ABCC12: variants seen among roughly 807,000 people sequenced by gnomAD.
The protein encoded by ABCC12 is ATP binding cassette subfamily C member 12.
In ABCC12, 142 loss-of-function variants were observed where a neutral mutation model predicts 151.1. The ratio of observed to expected loss-of-function variants is 0.94; its 90% CI spans 0.82 to 1.08. The LOEUF (loss-of-function observed/expected upper bound fraction) is 1.08. ABCC12 is among the 50% of genes least tolerant of loss of function. The pLI is 0.00. For synonymous variants in ABCC12, 645 were observed against 646.4 expected (o/e 1.00, Z 0.03); for missense variants, 1,638 against 1,691.1 (o/e 0.97, Z 0.55).
intron 2 of ABCC12, among the ~76,000 whole-genome samples, chr16:48,150,870 C>A (rs915756347): frequency 2.0e-5 from 3 of 152,150 alleles, no homozygotes; most frequent in African/African-American, 7.2e-5. Context: ...CAACTTGAAT[C>A]CATTACCATA....
Position 48,115,564 on chromosome 16 carries a change from C to T in ABCC12, c.1840G>A (p.Ala614Thr), listed in dbSNP as rs750783794. 11 of 1,614,154 alleles carry T rather than the reference C, an allele frequency of 6.8e-6. No individual in the cohort carries two copies. In the East Asian group the frequency reaches 2.5e-4, roughly 36 times the overall value. Reference protein sequence around the residue: ...SGGQRQRISLARAVYSDRQLY... With the variant: ...SGGQRQRISLTRAVYSDRQLY... ...TGACGGTCGGAGTAGACAGCGCGGGCCAGGCTAATCCTCTGCCTCTGCCCC... is the reference window on the plus strand; with the variant it reads ...TGACGGTCGGAGTAGACAGCGCGGGTCAGGCTAATCCTCTGCCTCTGCCCC... Residue 614 changes from alanine (A) to threonine (T), a missense_variant, in exon 15 of 31, where the codon GCC (alanine) becomes ACC (threonine). By Grantham distance (58) the Ala-to-Thr change is moderately conservative. Transcript: ENST00000311303.
chr16:48,108,187 G>T (rs1340578903), intron 19 of ABCC12, among the ~76,000 whole-genome samples: 1 of 152,174 alleles, frequency 6.6e-6, no homozygotes, highest in Non-Finnish European at 1.5e-5. Context: ...CAAGGGTAGG[G>T]TTCATGCTGC....
intron 8 of ABCC12, among the ~76,000 whole-genome samples, chr16:48,137,865 G>A (rs11643664): frequency 6.6e-6 from 1 of 152,224 alleles, no homozygotes; most frequent in Non-Finnish European, 1.5e-5. Flanking sequence ...TGTAACCCTG[G>A]ATGTGTGAGT....
intron 29 of ABCC12, 97 bp downstream of exon 29, chr16:48,085,495 CT>C: frequency 1.9e-6 from 2 of 1,029,104 alleles, no homozygotes; most frequent in Admixed American, 1.9e-5. Flanking sequence ...ATTGCTGTCT[CT>C]TTGCTGAAAG....
In ABCC12 at chr16:48,121,756, T is replaced by C. The variant is rs1204423572; in HGVS notation, c.1672A>G (p.Arg558Gly). The change falls in exon 13 of 31, where the codon AGA (arginine) becomes GGA (glycine). Residue 558 changes from arginine to glycine, a missense_variant. By Grantham distance (125) the Arg-to-Gly change is moderately radical. Transcript: ENST00000311303. Reference protein sequence around the residue: ...QQAWIFHGNVRENILFGEKYD... With the variant: ...QQAWIFHGNVGENILFGEKYD... ...TTTTCTCCAAAGAGTATGTTTTCTC[T>C]CACATTTCCATGAAAGATCCATGCC... 2.5e-6 allele frequency: 4 copies of C among 1,614,100 alleles called. No homozygotes were observed. The highest frequency in any genetic ancestry group is 3.4e-6 in the Non-Finnish European group (4 of 1,180,046).
chr16:48,135,342 C>G (rs183916819), intron 8 of ABCC12, among the ~76,000 whole-genome samples: 1 of 152,282 alleles, frequency 6.6e-6, no homozygotes, highest in African/African-American at 2.4e-5. Context: ...CAGTAACAAC[C>G]AGATCGTCAA....
intron 22 of ABCC12, among the ~76,000 whole-genome samples, chr16:48,101,216 G>A (rs1282740151): frequency 6.6e-6 from 1 of 152,226 alleles, no homozygotes; most frequent in Non-Finnish European, 1.5e-5. Flanking sequence ...CCATGAGTCA[G>A]CGGCACCTTC....
intron 25 of ABCC12, among the ~76,000 whole-genome samples, chr16:48,089,309 C>T (rs1264791695): frequency 1.3e-5 from 2 of 152,154 alleles, no homozygotes; most frequent in South Asian, 2.1e-4. Context: ...GTGACAAGGC[C>T]AGACATAGCC....
rs539242199 is a variant in ABCC12, at chr16:48,133,880, G to A, written c.980-45C>T. 1.5e-4 allele frequency: 242 copies of A among 1,607,964 alleles called. 2 individuals are homozygous for A. In the South Asian group the frequency reaches 2.5e-3, roughly 17 times the overall value. On this transcript the variant is annotated intron_variant, in intron 8 of 30. Transcript: ENST00000311303. ...CCAAGGTGGTCTCATTTTGCATGTC[G>A]AACACTAGCATTATGAAATGTATTA...
chr16:48,086,650 C>T, intron 28 of ABCC12, 91 bp downstream of exon 28: 1 of 1,122,066 alleles, frequency 8.9e-7, no homozygotes, highest in Admixed American at 1.7e-5. Context: ...TAAGTGCTGG[C>T]CTAGGTGCTT....
chr16:48,151,876 A>T (rs1965121394), intron 2 of ABCC12, among the ~76,000 whole-genome samples: 1 of 152,202 alleles, frequency 6.6e-6, no homozygotes, highest in Admixed American at 6.5e-5. Context: ...AGAAGTTCTG[A>T]GAAAGTAGAG....
intron 24 of ABCC12, among the ~76,000 whole-genome samples, chr16:48,091,540 G>T (rs1380618606): frequency 1.3e-5 from 2 of 152,190 alleles, no homozygotes; most frequent in Non-Finnish European, 2.9e-5. Context: ...CTGCAGAACT[G>T]CTGGCTATCG....
At position 48,104,258 on chromosome 16, in the gene ABCC12, C is replaced by T. The variant is rs141043396; in HGVS notation, c.2784G>A (p.Glu928=). Reference sequence around the variant, plus strand: ...CCATAAAAAACTGCTGCAGAAAGTTCTCTGCGTGAAACGGCAGCCTCACAT... The same window carrying T: ...CCATAAAAAACTGCTGCAGAAAGTTTTCTGCGTGAAACGGCAGCCTCACAT... ...ELDVRLPFHA[E]NFLQQFFMVV... The change falls in exon 22 of 31, where the codon GAG becomes GAA. Residue 928 remains glutamate (E), a synonymous_variant. Coordinates refer to ENST00000311303, the MANE Select transcript of ABCC12 (RefSeq NM_001393797.1). 2.2e-5 allele frequency: 35 copies of T among 1,614,138 alleles called. No individual in the cohort carries two copies. In the African/African-American group the frequency reaches 4.4e-4, roughly 20 times the overall value.
chr16:48,139,285 ACAAGGCAG>A lies in ABCC12; in HGVS notation c.701_708del (p.Ala234ValfsTer68). 1 of 1,613,924 alleles carries A rather than the reference ACAAGGCAG, an allele frequency of 6.2e-7. No individual in the cohort carries two copies. Among genetic ancestry groups the A allele is most frequent in the Non-Finnish European group, 8.5e-7 (1 of 1,179,960 alleles). ...GGGATGGTGGCTGGCAAAGGACAAA[ACAAGGCAG>A]CTTCAAACAAAGAATAGCTATCACT... is the stretch of plus-strand genomic sequence containing the variant. On this transcript the variant is annotated frameshift_variant, in exon 7 of 31. Coordinates refer to ENST00000311303, the MANE Select transcript of ABCC12 (RefSeq NM_001393797.1). LOFTEE classifies it high-confidence loss of function.
chr16:48,116,354 T>C (rs1049309307), intron 14 of ABCC12, among the ~76,000 whole-genome samples: 1 of 152,180 alleles, frequency 6.6e-6, no homozygotes, highest in African/African-American at 2.4e-5. Flanking sequence ...ATGTACATAA[T>C]AGCAGCAGCA....
rs575716557 is a variant in ABCC12 at position 48,146,372 on chromosome 16, C to G, written c.53G>C (p.Arg18Pro). Residue 18 changes from arginine to proline, a missense_variant, in exon 3 of 31, where the codon CGG becomes CCG. Physicochemically the swap from Arg to Pro is moderately radical, Grantham distance 103. Coordinates refer to ENST00000311303, the MANE Select transcript of ABCC12 (RefSeq NM_001393797.1). ...LISDLDQRGRRRSFAERYDPS... is the reference protein window; with the variant it reads ...LISDLDQRGRPRSFAERYDPS... ...GTCATATCTTTCTGCAAAGGATCTC[C>G]GCCGGCCTCGCTGGTCCAGATCTGA... 1 of 1,614,148 alleles carries G rather than the reference C, an allele frequency of 6.2e-7. No homozygotes were observed. Among genetic ancestry groups the G allele is most frequent in the Non-Finnish European group, 8.5e-7 (1 of 1,180,030 alleles).
At chr16:48,153,363 G>A (rs575547184) in intron 2 of ABCC12, among the ~76,000 whole-genome samples, 14 of 151,858 alleles carry the variant, frequency 9.2e-5, no homozygotes, top group African/African-American at 3.2e-4. Context: ...ATTTTCTAAA[G>A]AAATAGCCCT....
Position 48,100,948 on chromosome 16 carries a change from ACC to A in ABCC12, c.2960_2961del (p.Trp987PhefsTer32). 1 of 1,614,226 alleles carries A rather than the reference ACC, an allele frequency of 6.2e-7. No individual in the cohort carries two copies. Among genetic ancestry groups the A allele is most frequent in the Admixed American group, 1.7e-5 (1 of 60,034 alleles). On this transcript the variant is annotated frameshift_variant, in exon 23 of 31. Coordinates refer to ENST00000311303, the MANE Select transcript of ABCC12 (RefSeq NM_001393797.1). LOFTEE classifies it high-confidence loss of function. ...KKVENVSRSP[W>X]FTHITSSMQG... ...TGCATGGAGGAGGTGATGTGGGTGA[ACC>A]AGGGTGACCGGCTGACATTCTCCAC...
chr16:48,122,426 G>A (rs935531811), intron 12 of ABCC12, among the ~76,000 whole-genome samples: 8 of 152,342 alleles, frequency 5.3e-5, no homozygotes, highest in African/African-American at 1.9e-4. Context: ...AAAGCATTCA[G>A]CAATCAATTA....
Sources: gnomAD v4.1 joint callset for allele counts (sites outside exome capture counted in the v4.1 genomes callset) on GRCh38, gnomAD v4.1.1 for gene constraint, MANE v1.5 for transcripts, NCBI Gene and HGNC (gene_info 2026-07-23, HGNC 2026-07-21) for gene names.